The following KAZN variants were observed in gnomAD, a reference collection of about 807,000 sequenced individuals.
The protein encoded by KAZN is kazrin.
Under a neutral mutation model 87.4 loss-of-function variants are expected in KAZN, and 40 were observed. The ratio of observed to expected loss-of-function variants is 0.46; its 90% CI spans 0.36 to 0.60. The LOEUF (loss-of-function observed/expected upper bound fraction) is 0.60, where lower values mean the gene tolerates loss of function less well. Among genes scored for constraint, KAZN ranks in the 20% least tolerant of loss-of-function variants. The pLI, the probability that KAZN is intolerant of heterozygous loss-of-function variation, is 0.00. For missense variants in KAZN, 898 were observed against 1,073.9 expected, an observed-to-expected ratio of 0.84 and a Z score of 2.29; for synonymous variants, 466 against 458.3, an observed-to-expected ratio of 1.02 and a Z score of -0.22.
chr1:14,664,704 A>G (rs767619093), intron 1 of KAZN, among the ~76,000 whole-genome samples: 17 of 140,854 alleles, frequency 1.2e-4, no homozygotes, highest in Non-Finnish European at 1.8e-4. Flanking sequence ...CCCAGGCTGG[A>G]GTGCATTGGT....
At chr1:14,783,499 T>C (rs1645416676) in intron 1 of KAZN, among the ~76,000 whole-genome samples, 1 of 152,118 alleles carries the variant, frequency 6.6e-6, no homozygotes, top group Non-Finnish European at 1.5e-5. Context: ...CAGGCATTTA[T>C]TGAACAAAAA....
At chr1:14,927,636 T>C (rs1181337080) in intron 1 of KAZN, among the ~76,000 whole-genome samples, 2 of 152,102 alleles carry the variant, frequency 1.3e-5, no homozygotes, top group African/African-American at 4.8e-5. Context: ...GGGAAATTAG[T>C]ATCTTTGTAG....
intron 1 of KAZN, among the ~76,000 whole-genome samples, chr1:14,766,723 G>C (rs954516982): frequency 3.3e-5 from 5 of 149,808 alleles, no homozygotes; most frequent in African/African-American, 1.2e-4. Flanking sequence ...TTTATCCCAC[G>C]ATGGGAGGCA....
chr1:14,646,651 A>T (rs951048254), intron 1 of KAZN, among the ~76,000 whole-genome samples: 1 of 152,108 alleles, frequency 6.6e-6, no homozygotes, highest in Non-Finnish European at 1.5e-5. Context: ...TCTACCCACC[A>T]GATGTCAGCA....
At chr1:14,841,646 A>G (rs1347230869) in intron 1 of KAZN, among the ~76,000 whole-genome samples, 1 of 152,152 alleles carries the variant, frequency 6.6e-6, no homozygotes, top group African/African-American at 2.4e-5. Flanking sequence ...GTGACGTCAC[A>G]TTGGCTTAAC....
At chr1:15,039,766 A>G (rs1293413195) in intron 3 of KAZN, among the ~76,000 whole-genome samples, 3 of 152,094 alleles carry the variant, frequency 2.0e-5, no homozygotes, top group African/African-American at 7.2e-5. Flanking sequence ...TTTTTAAGAC[A>G]TAGGTGACTA....
intron 1 of KAZN, among the ~76,000 whole-genome samples, chr1:14,687,461 A>G (rs1641019825): frequency 6.6e-6 from 1 of 152,220 alleles, no homozygotes; most frequent in African/African-American, 2.4e-5. Context: ...AGGTGGTCAC[A>G]AGGGAACTGA....
At chr1:13,935,085 A>G (rs1036050149) in intron 1 of KAZN, among the ~76,000 whole-genome samples, 4 of 150,968 alleles carry the variant, frequency 2.6e-5, no homozygotes, top group African/African-American at 7.4e-5. Flanking sequence ...AAAGATAGAA[A>G]AATTAGCCAG....
At chr1:15,060,599 C>A (rs2100526994) in intron 6 of KAZN, 2 of 400,810 alleles carry the variant, frequency 5.0e-6, no homozygotes, top group Middle Eastern at 7.4e-4. Flanking sequence ...CTGTCTGGGA[C>A]CGTGGGCTTC....
At chr1:14,007,917 T>A (rs1318888379) in intron 1 of KAZN, among the ~76,000 whole-genome samples, 1 of 152,194 alleles carries the variant, frequency 6.6e-6, no homozygotes, top group Non-Finnish European at 1.5e-5. Context: ...CTACCCACAA[T>A]GATCCCTGTG....
At chr1:14,411,640 A>T (rs920745562) in intron 2 of KAZN, among the ~76,000 whole-genome samples, 3 of 152,234 alleles carry the variant, frequency 2.0e-5, no homozygotes, top group African/African-American at 4.8e-5. Flanking sequence ...TTGCTGAAAG[A>T]GCTGCTTCTA....
At chr1:14,290,652 T>C (rs1653611880) in intron 2 of KAZN, among the ~76,000 whole-genome samples, 1 of 152,164 alleles carries the variant, frequency 6.6e-6, no homozygotes, top group South Asian at 2.1e-4. Flanking sequence ...AAGTTTGTTA[T>C]TACCGACCTT....
chr1:14,899,670 C>T (rs1053999715), intron 1 of KAZN, among the ~76,000 whole-genome samples: 2 of 152,100 alleles, frequency 1.3e-5, no homozygotes, highest in South Asian at 2.1e-4. Context: ...CTCTCCTGTC[C>T]ATTCCCCTCC....
chr1:14,718,429 C>T lies in KAZN; in HGVS notation c.226+119206C>T, dbSNP rs577507655. ...TGGCATGTGGACGTCCTTGCGGGGA[C>T]TTTTCCATTTTGGAGGGTTTCCGCA... On this transcript the variant is annotated intron_variant, in intron 1 of 14. Coordinates refer to ENST00000376030, the MANE Select transcript of KAZN (RefSeq NM_201628.3). 3.3e-5 allele frequency among the ~76,000 whole-genome samples: 5 copies of T among 152,312 alleles called. No individual in the cohort carries two copies. The South Asian group carries it at 1.0e-3, about 32-fold the overall frequency.
Position 15,021,353 on chromosome 1 carries a change from TC to T in KAZN, c.419-13393del, listed in dbSNP as rs1670648133. 1.3e-5 allele frequency among the ~76,000 whole-genome samples: 2 copies of T among 152,078 alleles called. No individual in the cohort carries two copies. Among genetic ancestry groups the T allele is most frequent in the African/African-American group, 4.8e-5 (2 of 41,416 alleles). ...ATTTCCAGAAATCTCCATTTCCCCC[TC>T]CCGCTTCAACCTAGGGAATGTCCGT... On this transcript the variant is annotated intron_variant, in intron 2 of 14. Coordinates refer to ENST00000376030, the MANE Select transcript of KAZN (RefSeq NM_201628.3). This position sits in a 1 kb window ranked among gnomAD's most constrained non-coding sequence, Gnocchi z 4.2.
At chr1:14,196,711 G>A (rs908286427) in intron 2 of KAZN, among the ~76,000 whole-genome samples, 15 of 152,096 alleles carry the variant, frequency 9.9e-5, no homozygotes, top group Non-Finnish European at 1.5e-4. Flanking sequence ...CTGGGGTTCA[G>A]GGAAAGAATC....
At chr1:14,362,102 T>A (rs1020814764) in intron 2 of KAZN, among the ~76,000 whole-genome samples, 9 of 152,202 alleles carry the variant, frequency 5.9e-5, no homozygotes, top group African/African-American at 1.9e-4. Context: ...TACTGACTTA[T>A]AACAACTCAC....
Position 15,000,879 on chromosome 1 carries a change from G to C in KAZN, c.419-33870G>C, listed in dbSNP as rs149333814. Among the ~76,000 whole-genome samples the C allele has an allele frequency of 2.3e-3, 355 of 152,000 alleles. 10 individuals carry two copies. Among genetic ancestry groups the C allele is most frequent in the African/African-American group, 7.8e-3 (322 of 41,262 alleles). Reference sequence around the variant, plus strand: ...AACGCTTTGGGAGGCCAAGGCGGGAGAATCACTTGAGCCCAAAAGTTCAAG... The same window carrying C: ...AACGCTTTGGGAGGCCAAGGCGGGACAATCACTTGAGCCCAAAAGTTCAAG... On this transcript the variant is annotated intron_variant, in intron 2 of 14. Transcript: ENST00000376030.
intron 1 of KAZN, among the ~76,000 whole-genome samples, chr1:14,723,192 T>A (rs566861616): frequency 1.3e-5 from 2 of 152,178 alleles, no homozygotes; most frequent in South Asian, 4.2e-4. Context: ...TGCACCATAG[T>A]CAAGGGGTGC....
Sources: gnomAD v4.1 joint callset for allele counts (sites outside exome capture counted in the v4.1 genomes callset) on GRCh38, gnomAD v4.1.1 for gene constraint, Gnocchi (gnomAD v3.1) non-coding constraint, MANE v1.5 for transcripts, NCBI Gene and HGNC (gene_info 2026-07-23, HGNC 2026-07-21) for gene names.